CELF2: variants seen among roughly 807,000 people sequenced by gnomAD.
The protein encoded by CELF2 is CUG triplet repeat RNA-binding protein 2.
Under a neutral mutation model 62.6 loss-of-function variants are expected in CELF2, and 8 were observed. The ratio of observed to expected loss-of-function variants is 0.13; its 90% CI spans 0.07 to 0.23. CELF2 has a LOEUF of 0.23. Among genes scored for constraint, CELF2 ranks in the 10% least tolerant of loss-of-function variants. The probability of loss-of-function intolerance (pLI) is 1.00; values close to 1 mark genes in which losing one functional copy is unlikely to be tolerated. For missense variants in CELF2, 333 were observed against 671.0 expected, an observed-to-expected ratio of 0.50 and a Z score of 5.56; for synonymous variants, 258 against 250.0, an observed-to-expected ratio of 1.03 and a Z score of -0.30.
the CELF2 span, among the ~76,000 whole-genome samples, chr10:10,652,613 A>G: frequency 2.6e-5 from 4 of 151,444 alleles, no homozygotes; most frequent in African/African-American, 9.7e-5. Context: ...TTTCATATCC[A>G]GCCAAACTAA....
chr10:10,954,678 G>A (rs961823388), intron 2 of CELF2, among the ~76,000 whole-genome samples: 3 of 152,194 alleles, frequency 2.0e-5, no homozygotes, highest in African/African-American at 7.2e-5. Flanking sequence ...TGCACCGTTT[G>A]TAGAAGCAAA....
At chr10:10,687,152 T>G in the CELF2 span, among the ~76,000 whole-genome samples, 29 of 152,338 alleles carry the variant, frequency 1.9e-4, no homozygotes, top group South Asian at 5.6e-3. Flanking sequence ...GTGGAAGTGC[T>G]GCACAGATGG....
At chr10:11,226,598 G>C (rs2066625353) in intron 3 of CELF2, among the ~76,000 whole-genome samples, 1 of 101,878 alleles carries the variant, frequency 9.8e-6, no homozygotes, top group East Asian at 3.0e-4. Flanking sequence ...GGCAGGCAGT[G>C]GCCACACACA....
At chr10:11,079,484 A>G (rs1041952264) in intron 1 of CELF2, among the ~76,000 whole-genome samples, 1 of 152,156 alleles carries the variant, frequency 6.6e-6, no homozygotes, top group Non-Finnish European at 1.5e-5. Context: ...CGATTGAATT[A>G]TGGGGGTTCA....
chr10:11,141,128 ACT>A (rs2061294889), intron 1 of CELF2, among the ~76,000 whole-genome samples: 1 of 151,954 alleles, frequency 6.6e-6, no homozygotes, highest in African/African-American at 2.4e-5. Flanking sequence ...TGAGAATGAA[ACT>A]CTGAATGCTT....
chr10:10,645,713 G>T, the CELF2 span, among the ~76,000 whole-genome samples: 4 of 152,180 alleles, frequency 2.6e-5, no homozygotes, highest in Non-Finnish European at 5.9e-5. Context: ...CCAGAGTGCA[G>T]GGAGAGTGTC....
the CELF2 span, among the ~76,000 whole-genome samples, chr10:10,783,758 G>A: frequency 1.1e-4 from 17 of 152,222 alleles, no homozygotes; most frequent in African/African-American, 2.6e-4. Context: ...AGGCCAAGGC[G>A]GGCAGATCAC....
chr10:10,976,211 T>C (rs1287892789), intron 2 of CELF2, among the ~76,000 whole-genome samples: 1 of 152,222 alleles, frequency 6.6e-6, no homozygotes, highest in Non-Finnish European at 1.5e-5. Context: ...AGCAGGGTTG[T>C]GACCAGAAAA....
intron 1 of CELF2, among the ~76,000 whole-genome samples, chr10:10,888,735 C>T (rs2061935377): frequency 6.6e-6 from 1 of 152,184 alleles, no homozygotes; most frequent in African/African-American, 2.4e-5. Context: ...TTCTAGTAAC[C>T]TCGGGCTTGC....
chr10:10,626,000 G>A, the CELF2 span, among the ~76,000 whole-genome samples: 25 of 151,912 alleles, frequency 1.6e-4, no homozygotes, highest in African/African-American at 3.9e-4. Context: ...CCCTACAGCC[G>A]GTTTCACCTG....
the CELF2 span, among the ~76,000 whole-genome samples, chr10:10,661,496 A>G: frequency 6.6e-6 from 1 of 152,200 alleles, no homozygotes; most frequent in African/African-American, 2.4e-5. Flanking sequence ...CCTTTTGAAG[A>G]TATATGTCCA....
the CELF2 span, among the ~76,000 whole-genome samples, chr10:10,662,702 A>T: frequency 9.9e-5 from 15 of 152,244 alleles, no homozygotes; most frequent in African/African-American, 3.1e-4. Flanking sequence ...TTGACAAAAA[A>T]AAAAGTGCAA....
intron 1 of CELF2, among the ~76,000 whole-genome samples, chr10:10,845,138 A>G (rs915703285): frequency 1.3e-5 from 2 of 152,122 alleles, no homozygotes; most frequent in Non-Finnish European, 2.9e-5. Context: ...GGTTTTTGCC[A>G]TCATAGACGA....
At position 11,177,797 on chromosome 10, in the gene CELF2, G is replaced by A. The variant is rs573183922; in HGVS notation, c.271+12115G>A. 1.3e-5 allele frequency among the ~76,000 whole-genome samples: 2 copies of A among 152,136 alleles called. No individual in the cohort carries two copies. Among genetic ancestry groups the A allele is most frequent in the Admixed American group, 6.5e-5 (1 of 15,280 alleles). On this transcript the variant is annotated intron_variant, in intron 2 of 12. Transcript: ENST00000633077. This position sits in a 1 kb window ranked among gnomAD's most constrained non-coding sequence, Gnocchi z 4.8. ...GTGAAGATGCCATGAACTCAGGAGC[G>A]GGTGAGGAGGGCCTTTCTCTGCCTC... is the stretch of plus-strand genomic sequence containing the variant.
chr10:10,733,595 C>T, the CELF2 span, among the ~76,000 whole-genome samples: 1 of 136,770 alleles, frequency 7.3e-6, no homozygotes, highest in Non-Finnish European at 1.6e-5. Context: ...TTAATGGACT[C>T]ATAGTTCAGC....
the CELF2 span, among the ~76,000 whole-genome samples, chr10:10,527,685 T>C: frequency 6.6e-6 from 1 of 152,198 alleles, no homozygotes; most frequent in African/African-American, 2.4e-5. Flanking sequence ...TAGCAGTGAT[T>C]GAAGAACCAG....
At chr10:10,789,745 A>G in the CELF2 span, among the ~76,000 whole-genome samples, 70 of 152,120 alleles carry the variant, frequency 4.6e-4, no homozygotes, top group East Asian at 0.012. Context: ...GTTTCATTTG[A>G]ATTTCTTCCT....
the CELF2 span, among the ~76,000 whole-genome samples, chr10:10,712,415 TACTACATC>T: frequency 6.6e-6 from 1 of 152,182 alleles, no homozygotes; most frequent in Non-Finnish European, 1.5e-5. Context: ...CTAGTTTCTC[TACTACATC>T]ACCGGTTGTA....
At chr10:10,635,684 A>G in the CELF2 span, among the ~76,000 whole-genome samples, 2 of 152,236 alleles carry the variant, frequency 1.3e-5, no homozygotes, top group Non-Finnish European at 2.9e-5. Flanking sequence ...AACAACATCA[A>G]AAATAAGCAT....
Sources: gnomAD v4.1 joint callset for allele counts (sites outside exome capture counted in the v4.1 genomes callset) on GRCh38, gnomAD v4.1.1 for gene constraint, Gnocchi (gnomAD v3.1) non-coding constraint, MANE v1.5 for transcripts, NCBI Gene and HGNC (gene_info 2026-07-23, HGNC 2026-07-21) for gene names.